The following DEK variants were observed in gnomAD, a reference collection of about 807,000 sequenced individuals.
DEK encodes the protein protein DEK.
Under a neutral mutation model 46.8 loss-of-function variants are expected in DEK, and 28 were observed. The observed-to-expected ratio is 0.60, with a 90% CI of 0.44 to 0.82. The LOEUF is 0.82. Ranked by LOEUF, DEK falls within the 40% of genes least tolerant of loss-of-function variation. The pLI is 0.00. For synonymous variants in DEK, 160 were observed against 144.5 expected (o/e 1.11, Z -0.77); for missense variants, 416 against 430.6 (o/e 0.97, Z 0.30).
At chr6:18,228,513 T>C (rs1482326095) in intron 9 of DEK, among the ~76,000 whole-genome samples, 1 of 151,326 alleles carries the variant, frequency 6.6e-6, no homozygotes, top group African/African-American at 2.4e-5. Flanking sequence ...CTGGGGCTTG[T>C]CGGACGGTGG....
chr6:18,246,884 A>G (rs1791142571), intron 7 of DEK, among the ~76,000 whole-genome samples: 2 of 152,228 alleles, frequency 1.3e-5, no homozygotes, highest in Admixed American at 6.5e-5. Flanking sequence ...ATCTTAATGA[A>G]TAAGAGTCTT....
chr6:18,252,940 G>C (rs994924528), intron 6 of DEK, among the ~76,000 whole-genome samples: 4 of 152,152 alleles, frequency 2.6e-5, no homozygotes, highest in African/African-American at 9.7e-5. Flanking sequence ...AATAAATACT[G>C]TGTTAACTCT....
chr6:18,242,914 A>G (rs551335275), intron 7 of DEK, among the ~76,000 whole-genome samples: 100 of 152,298 alleles, frequency 6.6e-4, no homozygotes, highest in Non-Finnish European at 1.2e-3. Context: ...CTCTGCTGTC[A>G]AACCTCAAAC....
chr6:18,254,519 TAAA>T (rs1791524621), intron 6 of DEK, among the ~76,000 whole-genome samples: 1 of 152,150 alleles, frequency 6.6e-6, no homozygotes, highest in Admixed American at 6.5e-5. Context: ...CATTTTAAAA[TAAA>T]AATTTTTCAG....
At chr6:18,240,517 T>C (rs910348290) in intron 7 of DEK, among the ~76,000 whole-genome samples, 1 of 152,214 alleles carries the variant, frequency 6.6e-6, no homozygotes, top group South Asian at 2.1e-4. Flanking sequence ...AGTAGATACA[T>C]TAACAGATGA....
At chr6:18,259,410 A>AT (rs1441762021) in intron 2 of DEK, among the ~76,000 whole-genome samples, 20 of 111,308 alleles carry the variant, frequency 1.8e-4, no homozygotes, top group South Asian at 7.1e-4. Flanking sequence ...AAAAAAAAAA[A>AT]AAAAAAAAAA....
intron 9 of DEK, among the ~76,000 whole-genome samples, chr6:18,233,860 G>A (rs1017003475): frequency 6.6e-6 from 1 of 152,118 alleles, no homozygotes; most frequent in Non-Finnish European, 1.5e-5. Flanking sequence ...ATACCCAAAG[G>A]ATTATAAATC....
At chr6:18,264,135 G>T in intron 1 of DEK, 139 bp from the exon 2 acceptor site, 4 of 726,568 alleles carry the variant, frequency 5.5e-6, no homozygotes, top group Non-Finnish European at 4.1e-6. Flanking sequence ...GGACCGCAGC[G>T]CTCAGTCCCC....
chr6:18,232,267 GC>G (rs1443580820), intron 9 of DEK, among the ~76,000 whole-genome samples: 1 of 152,126 alleles, frequency 6.6e-6, no homozygotes, highest in East Asian at 1.9e-4. Context: ...TATTGAATGG[GC>G]AAAAACTGGA....
intron 6 of DEK, among the ~76,000 whole-genome samples, chr6:18,253,878 A>G (rs1369578247): frequency 2.6e-5 from 4 of 151,758 alleles, no homozygotes; most frequent in Admixed American, 2.6e-4. Flanking sequence ...GCGCCTGGCT[A>G]ATTTCTTCTT....
intron 8 of DEK, 75 bp from the exon 9 acceptor site, chr6:18,236,675 A>C: frequency 9.2e-7 from 1 of 1,083,328 alleles, no homozygotes; most frequent in South Asian, 2.2e-5. Flanking sequence ...ATGAATTTTA[A>C]GCTTTCAACA....
intron 7 of DEK, among the ~76,000 whole-genome samples, chr6:18,239,360 TTA>T (rs1491131137): frequency 2.0e-3 from 291 of 143,164 alleles, no homozygotes; most frequent in Non-Finnish European, 3.5e-3. Flanking sequence ...TTTTTTTTTT[TTA>T]AAAAAAAGAG....
intron 2 of DEK, 32 bp downstream of exon 2, chr6:18,263,811 A>G: frequency 2.5e-6 from 4 of 1,611,004 alleles, no homozygotes; most frequent in Non-Finnish European, 3.4e-6. Context: ...TCGGTCTGAA[A>G]AATTCATCAG....
intron 9 of DEK, 92 bp from the exon 10 acceptor site, chr6:18,226,334 G>A: frequency 9.2e-7 from 1 of 1,089,412 alleles, no homozygotes; most frequent in Non-Finnish European, 1.2e-6. Flanking sequence ...TCTGCTACGT[G>A]CAAATAGCCA....
intron 9 of DEK, 79 bp downstream of exon 9, chr6:18,236,373 G>A: frequency 6.1e-6 from 9 of 1,476,418 alleles, no homozygotes; most frequent in Non-Finnish European, 8.3e-6. Context: ...ATGCACGTAA[G>A]TATTTAGCTT....
intron 2 of DEK, among the ~76,000 whole-genome samples, chr6:18,259,490 AAAATAAAATCATTTTTTGAATG>A (rs1409937758): frequency 7.9e-5 from 12 of 151,644 alleles, no homozygotes; most frequent in Admixed American, 2.0e-4. Context: ...CCATTTATCT[AAAATAAAATCATTTTTTGAATG>A]AAATAAAGTC....
intron 7 of DEK, among the ~76,000 whole-genome samples, chr6:18,243,155 C>A (rs1790971623): frequency 6.6e-6 from 1 of 152,076 alleles, no homozygotes; most frequent in Admixed American, 6.6e-5. Flanking sequence ...TTTATTATAA[C>A]CTCAAATACA....
intron 9 of DEK, 135 bp downstream of exon 9, chr6:18,236,314 AAGG>A: frequency 1.2e-6 from 1 of 837,680 alleles, no homozygotes; most frequent in East Asian, 3.0e-5. Context: ...CAGCACCTGT[AAGG>A]AGATCTGGCA....
chr6:18,240,601 C>A (rs1278272299), intron 7 of DEK, among the ~76,000 whole-genome samples: 3 of 152,076 alleles, frequency 2.0e-5, no homozygotes, highest in African/African-American at 7.2e-5. Context: ...CTTCCTTTTG[C>A]AGAATGAGAA....
Sources: allele counts gnomAD v4.1 joint callset (sites outside exome capture counted in the v4.1 genomes callset), GRCh38; gene constraint gnomAD v4.1.1; transcripts MANE v1.5; gene names NCBI Gene and HGNC (gene_info 2026-07-23, HGNC 2026-07-21).